The following DAAM2 variants were observed in gnomAD, a reference collection of about 807,000 sequenced individuals.
DAAM2 encodes disheveled-associated activator of morphogenesis 2.
Under a neutral mutation model 120.7 loss-of-function variants are expected in DAAM2, and 39 were observed. The observed-to-expected ratio is 0.32, with a 90% CI of 0.25 to 0.42. The LOEUF is 0.42. DAAM2 is among the 10% of genes least tolerant of loss of function. DAAM2 has a pLI of 1.00. For missense variants in DAAM2, 1,283 were observed against 1,401.7 expected (o/e 0.92, Z 1.35); for synonymous variants, 488 against 524.9 (o/e 0.93, Z 0.96).
Position 39,815,681 on chromosome 6 carries a change from C to T in DAAM2, c.-57+23216C>T, listed in dbSNP as rs1381537485. Among the ~76,000 whole-genome samples, 3 of 137,818 alleles carry T rather than the reference C, an allele frequency of 2.2e-5. No individual in the cohort carries two copies. In the East Asian group the frequency reaches 6.6e-4, roughly 30 times the overall value. 90.4% of individuals were successfully genotyped at this position (137,818 alleles called of 152,430 possible). On this transcript the variant is annotated intron_variant, in intron 1 of 24. Transcript: ENST00000274867. The stretch of plus-strand genomic sequence containing the variant: ...ACACACACACACACACACACACACA[C>T]ACACCGTTTACACAAGGCTTCATGA...
At chr6:39,839,694 G>A (rs1763248229) in intron 1 of DAAM2, among the ~76,000 whole-genome samples, 1 of 152,240 alleles carries the variant, frequency 6.6e-6, no homozygotes, top group Admixed American at 6.5e-5. Context: ...GGCTCACAGA[G>A]CAAGTGTGAG....
intron 2 of DAAM2, among the ~76,000 whole-genome samples, chr6:39,860,567 A>G (rs1764169520): frequency 6.6e-6 from 1 of 152,176 alleles, no homozygotes. Context: ...TAAGAATGAC[A>G]AGGGATGGAA....
At chr6:39,879,749 G>C in intron 14 of DAAM2, 1 of 557,332 alleles carries the variant, frequency 1.8e-6, no homozygotes. Context: ...GGTTAATGGA[G>C]TCACAGCCAA....
At chr6:39,804,693 G>A (rs1030706240) in intron 1 of DAAM2, among the ~76,000 whole-genome samples, 2 of 152,212 alleles carry the variant, frequency 1.3e-5, no homozygotes, top group African/African-American at 2.4e-5. Flanking sequence ...TAGCTGCACC[G>A]CCATAGATGA....
intron 1 of DAAM2, among the ~76,000 whole-genome samples, chr6:39,851,388 G>GT (rs559511503): frequency 6.6e-6 from 1 of 152,096 alleles, no homozygotes; most frequent in African/African-American, 2.4e-5. Flanking sequence ...TGCATTTTTG[G>GT]TTTTTTCTCC....
chr6:39,864,888 T>G, intron 4 of DAAM2, 92 bp from the exon 5 acceptor site: 1 of 1,494,242 alleles, frequency 6.7e-7, no homozygotes, highest in Non-Finnish European at 9.1e-7. Flanking sequence ...GGCCTCACCC[T>G]TTCTGAGGCA....
At chr6:39,837,953 G>A (rs1763173470) in intron 1 of DAAM2, among the ~76,000 whole-genome samples, 1 of 152,170 alleles carries the variant, frequency 6.6e-6, no homozygotes, top group South Asian at 2.1e-4. Flanking sequence ...CTCTCCCTGT[G>A]GGATGGACCT....
chr6:39,848,036 CGTT>C (rs945205297), intron 1 of DAAM2, among the ~76,000 whole-genome samples: 3 of 152,180 alleles, frequency 2.0e-5, no homozygotes, highest in Non-Finnish European at 2.9e-5. Context: ...TCTGGGCTGT[CGTT>C]GTGCCAGGTT....
Position 39,808,942 on chromosome 6 carries a change from G to T in DAAM2, c.-57+16477G>T, listed in dbSNP as rs534373200. The stretch of plus-strand genomic sequence containing the variant: ...ACTTGTTTGAGCAAATCATGGGAGC[G>T]TGGTTTCTCTAAGAATGTGTATTGT... On this transcript the variant is annotated intron_variant, in intron 1 of 24. Coordinates refer to ENST00000274867, the MANE Select transcript of DAAM2 (RefSeq NM_001201427.2). Among the ~76,000 whole-genome samples the T allele has an allele frequency of 3.3e-5, 5 of 152,230 alleles. No homozygotes were observed. In the East Asian group the frequency reaches 9.6e-4, roughly 29 times the overall value.
At chr6:39,839,901 G>A (rs746111209) in intron 1 of DAAM2, among the ~76,000 whole-genome samples, 1 of 152,200 alleles carries the variant, frequency 6.6e-6, no homozygotes, top group Non-Finnish European at 1.5e-5. Context: ...GGGAGTACCT[G>A]TGTGTTGGGG....
chr6:39,855,873 T>C (rs1301831225), intron 1 of DAAM2, among the ~76,000 whole-genome samples: 2 of 152,140 alleles, frequency 1.3e-5, no homozygotes, highest in Admixed American at 6.5e-5. Flanking sequence ...TGGAAGCTGA[T>C]CTTACGGAAG....
In DAAM2 at chr6:39,856,810, G is replaced by A. The variant is rs114706125; in HGVS notation, c.168+340G>A. The stretch of plus-strand genomic sequence containing the variant: ...CTCAAAGAACATCAGAACATTTGAC[G>A]CCTTTCTCTCTTCTGCTCCTTGGAG... On this transcript the variant is annotated intron_variant, in intron 2 of 24. Transcript: ENST00000274867. Among the ~76,000 whole-genome samples, 396 of 152,282 alleles carry A rather than the reference G, an allele frequency of 2.6e-3. 1 individual carries two copies. The highest frequency in any genetic ancestry group is 4.3e-3 in the Non-Finnish European group (295 of 68,010).
intron 14 of DAAM2, chr6:39,879,995 TAATCACC>T (rs1288437007): frequency 1.1e-5 from 2 of 189,338 alleles, no homozygotes; most frequent in African/African-American, 4.8e-5. Context: ...TATCCACTAA[TAATCACC>T]AATCCCAGAA....
At chr6:39,900,318 G>C in intron 23 of DAAM2, 110 bp downstream of exon 23, 1 of 1,306,784 alleles carries the variant, frequency 7.7e-7, no homozygotes, top group Non-Finnish European at 1.0e-6. Flanking sequence ...GAGTTACAGA[G>C]CTTTGAGAGA....
intron 2 of DAAM2, among the ~76,000 whole-genome samples, 161 bp from the exon 3 acceptor site, chr6:39,860,767 T>C (rs1764177434): frequency 6.6e-6 from 1 of 152,114 alleles, no homozygotes; most frequent in Non-Finnish European, 1.5e-5. Context: ...GTATCTCTGA[T>C]AGAAAAAGAA....
At chr6:39,842,347 C>A (rs566566420) in intron 1 of DAAM2, among the ~76,000 whole-genome samples, 1 of 152,162 alleles carries the variant, frequency 6.6e-6, no homozygotes, top group South Asian at 2.1e-4. Context: ...AAAACATACA[C>A]GTGGCCAGGT....
chr6:39,873,309 C>T lies in DAAM2; in HGVS notation c.1116C>T (p.Ala372=). 6.2e-7 allele frequency: 1 copy of T among 1,613,666 alleles called. No individual in the cohort carries two copies. The highest frequency in any genetic ancestry group is 8.5e-7 in the Non-Finnish European group (1 of 1,179,754). ...LIHKKLKYTE[A]YPCLLSVLHH... is the part of the protein sequence containing the mutation. The stretch of plus-strand genomic sequence containing the variant: ...ACAAGAAGCTGAAGTACACGGAGGC[C>T]TACCCCTGCCTGCTCTCTGTGCTGC... Residue 372 remains alanine (A), a synonymous_variant, in exon 10 of 25, where the codon GCC becomes GCT. Coordinates refer to ENST00000274867, the MANE Select transcript of DAAM2 (RefSeq NM_001201427.2).
intron 1 of DAAM2, among the ~76,000 whole-genome samples, chr6:39,798,320 T>C (rs1322207175): frequency 1.3e-5 from 2 of 152,212 alleles, no homozygotes; most frequent in Non-Finnish European, 2.9e-5. Context: ...ACCTCCCTCA[T>C]AGGATGACTG....
chr6:39,878,196 C>T lies in DAAM2; in HGVS notation c.1302-7C>T. 1 of 1,613,918 alleles carries T rather than the reference C, an allele frequency of 6.2e-7. No individual in the cohort carries two copies. The highest frequency in any genetic ancestry group is 2.2e-5 in the East Asian group (1 of 44,872). On this transcript the variant is annotated splice_region_variant and splice_polypyrimidine_tract_variant and intron_variant, in intron 11 of 24. Coordinates refer to ENST00000274867, the MANE Select transcript of DAAM2 (RefSeq NM_001201427.2). The surrounding 1 kb of genome is among the most constrained non-coding windows in gnomAD (Gnocchi z 5.0). ...TCACATTGCCCCTTCCCTCTATGCC[C>T]TGCCAGGCTCATCAACGAGAATGAA...
Sources: gnomAD v4.1 joint callset for allele counts (sites outside exome capture counted in the v4.1 genomes callset) on GRCh38, gnomAD v4.1.1 for gene constraint, Gnocchi (gnomAD v3.1) non-coding constraint, MANE v1.5 for transcripts, NCBI Gene and HGNC (gene_info 2026-07-23, HGNC 2026-07-21) for gene names.